The following DCLK1 variants were observed in gnomAD, a reference collection of about 807,000 sequenced individuals.
The protein encoded by DCLK1 is serine/threonine-protein kinase DCLK1.
In DCLK1, 16 loss-of-function variants were observed where a neutral mutation model predicts 86.2. That is an observed-to-expected ratio of 0.19 (90% CI 0.13 to 0.28). The LOEUF is 0.28. Among genes scored for constraint, DCLK1 ranks in the 10% least tolerant of loss-of-function variants. The pLI, the probability that DCLK1 is intolerant of heterozygous loss-of-function variation, is 1.00. For missense variants in DCLK1, 590 were observed against 940.2 expected (o/e 0.63, Z 4.87); for synonymous variants, 369 against 370.5 (o/e 1.00, Z 0.05).
intron 3 of DCLK1, among the ~76,000 whole-genome samples, chr13:36,109,971 A>AT: frequency 6.6e-6 from 1 of 152,354 alleles, no homozygotes; most frequent in African/African-American, 2.4e-5. Flanking sequence ...AGCTAAAGTC[A>AT]TTAAAGCCGA....
rs201352372 is a variant in DCLK1, at chr13:35,828,312, G to A, written c.1230-5C>T. 210 of 1,602,126 alleles carry A rather than the reference G, an allele frequency of 1.3e-4. No individual in the cohort carries two copies. The highest frequency in any genetic ancestry group is 3.4e-4 in the Middle Eastern group (2 of 5,826). On this transcript the variant is annotated splice_region_variant and splice_polypyrimidine_tract_variant and intron_variant, in intron 8 of 16. Transcript: ENST00000360631. ...GCATACTCTCTAGCAGTCGATCTGC[G>A]AAGAGAAAGTTCATGTTTTTAAAAT...
rs1336735494 is a variant in DCLK1, at chr13:35,846,456, A to T, written c.1036-7280T>A. ...ATACAAACACTCAGGTATTACATGCATCATTTATACTATCTTGGAATTTAT... is the reference window on the plus strand; with the variant it reads ...ATACAAACACTCAGGTATTACATGCTTCATTTATACTATCTTGGAATTTAT... On this transcript the variant is annotated intron_variant, in intron 6 of 16. Transcript: ENST00000360631. The T allele has an allele frequency of 4.1e-6, 4 of 985,216 alleles. No individual in the cohort carries two copies. In the African/African-American group the frequency reaches 7.0e-5, roughly 17 times the overall value. 61.0% of individuals were successfully genotyped at this position (985,216 alleles called of 1,614,324 possible).
intron 5 of DCLK1, among the ~76,000 whole-genome samples, chr13:35,861,416 T>C (rs1487033855): frequency 1.3e-5 from 2 of 152,016 alleles, no homozygotes; most frequent in Non-Finnish European, 2.9e-5. Context: ...CTGGGGTTGA[T>C]CCCTACCAAC....
At chr13:36,038,763 C>T (rs996052552) in intron 3 of DCLK1, among the ~76,000 whole-genome samples, 5 of 152,164 alleles carry the variant, frequency 3.3e-5, no homozygotes, top group African/African-American at 7.2e-5. Flanking sequence ...AATACTACAA[C>T]AATTAGTGTT....
intron 5 of DCLK1, among the ~76,000 whole-genome samples, chr13:35,869,715 C>T (rs1872133981): frequency 6.6e-6 from 1 of 152,180 alleles, no homozygotes; most frequent in Admixed American, 6.5e-5. Context: ...TGGGCTCTAG[C>T]TCCAGAGTTT....
chr13:35,867,909 A>AAG (rs1555345719), intron 5 of DCLK1, among the ~76,000 whole-genome samples: 6 of 102,432 alleles, frequency 5.9e-5, no homozygotes, highest in East Asian at 2.9e-4. Context: ...GAAAGAAAGA[A>AAG]AAAGAAAGAA....
chr13:36,056,583 A>T (rs1883320521), intron 3 of DCLK1, among the ~76,000 whole-genome samples: 1 of 143,668 alleles, frequency 7.0e-6, no homozygotes, highest in Non-Finnish European at 1.5e-5. Flanking sequence ...AACCTGCACA[A>T]TGTGCACATG....
At chr13:36,121,703 G>A (rs1885999879) in intron 2 of DCLK1, among the ~76,000 whole-genome samples, 1 of 152,160 alleles carries the variant, frequency 6.6e-6, no homozygotes, top group African/African-American at 2.4e-5. Context: ...AGTACTATTT[G>A]CAGTTTCAGG....
intron 4 of DCLK1, among the ~76,000 whole-genome samples, chr13:35,914,366 T>TAC: frequency 2.1e-4 from 2 of 9,634 alleles, no homozygotes; most frequent in African/African-American, 5.0e-4. Context: ...TATATATATA[T>TAC]ATGTATATAT....
At chr13:36,059,162 C>G (rs1883446800) in intron 3 of DCLK1, among the ~76,000 whole-genome samples, 1 of 152,184 alleles carries the variant, frequency 6.6e-6, no homozygotes, top group African/African-American at 2.4e-5. Flanking sequence ...TTTGGCCATA[C>G]AGCTTCATTT....
At chr13:35,790,990 C>A (rs536639890) in intron 16 of DCLK1, among the ~76,000 whole-genome samples, 1 of 152,258 alleles carries the variant, frequency 6.6e-6, no homozygotes, top group African/African-American at 2.4e-5. Context: ...GTTTCTAATT[C>A]CCAGCCCCAC....
At chr13:35,995,565 A>G (rs1157560591) in intron 3 of DCLK1, among the ~76,000 whole-genome samples, 4 of 152,212 alleles carry the variant, frequency 2.6e-5, no homozygotes, top group Non-Finnish European at 4.4e-5. Flanking sequence ...GTTGAGGAAC[A>G]ATCTGGGAGG....
intron 3 of DCLK1, among the ~76,000 whole-genome samples, chr13:36,102,033 G>A (rs1354133347): frequency 1.3e-5 from 2 of 152,104 alleles, no homozygotes; most frequent in Non-Finnish European, 2.9e-5. Flanking sequence ...ATGAGCCACC[G>A]CACCTGGCCG....
At chr13:35,816,389 C>T (rs867414949) in intron 11 of DCLK1, among the ~76,000 whole-genome samples, 4 of 151,950 alleles carry the variant, frequency 2.6e-5, no homozygotes, top group South Asian at 2.1e-4. Flanking sequence ...AATGTTTTTC[C>T]GAAGTGAATC....
intron 4 of DCLK1, among the ~76,000 whole-genome samples, chr13:35,940,806 C>T (rs949371628): frequency 1.3e-5 from 2 of 152,194 alleles, no homozygotes; most frequent in Non-Finnish European, 2.9e-5. Context: ...CAGTAGTAAT[C>T]GCTTTCTGGT....
intron 3 of DCLK1, among the ~76,000 whole-genome samples, chr13:36,051,593 T>A (rs1173666456): frequency 6.6e-6 from 1 of 152,192 alleles, no homozygotes; most frequent in African/African-American, 2.4e-5. Context: ...CATGACAATT[T>A]TTTTGAAATT....
intron 3 of DCLK1, among the ~76,000 whole-genome samples, chr13:36,110,061 T>C (rs908635766): frequency 2.0e-5 from 3 of 152,204 alleles, no homozygotes; most frequent in East Asian, 1.9e-4. Context: ...TCCATATGTA[T>C]TCTTTGCTCT....
intron 5 of DCLK1, chr13:35,869,134 G>A (rs771469470): frequency 7.8e-6 from 4 of 511,260 alleles, no homozygotes; most frequent in Non-Finnish European, 1.6e-5. Flanking sequence ...ATGTTTTTTA[G>A]TTAAGACTGA....
chr13:35,918,711 G>C (rs1244956111), intron 4 of DCLK1, among the ~76,000 whole-genome samples: 1 of 152,016 alleles, frequency 6.6e-6, no homozygotes, highest in East Asian at 1.9e-4. Context: ...TATTGGCAAA[G>C]AAAAATGGGC....
Sources: allele counts gnomAD v4.1 joint callset (sites outside exome capture counted in the v4.1 genomes callset), GRCh38; gene constraint gnomAD v4.1.1; transcripts MANE v1.5; gene names NCBI Gene and HGNC (gene_info 2026-07-23, HGNC 2026-07-21).